LILRA4: variants seen among roughly 807,000 people sequenced by gnomAD.
LILRA4 encodes the protein leukocyte immunoglobulin like receptor A4.
Under a neutral mutation model 49.5 loss-of-function variants are expected in LILRA4, and 51 were observed. The observed-to-expected ratio is 1.03, with a 90% CI of 0.82 to 1.30. LILRA4 has a LOEUF of 1.30. LILRA4 is among the 50% of genes most tolerant of loss of function. LILRA4 has a pLI of 0.00. For synonymous variants in LILRA4, 272 were observed against 265.6 expected, an observed-to-expected ratio of 1.02 and a Z score of -0.23; for missense variants, 624 against 625.6, an observed-to-expected ratio of 1.00 and a Z score of 0.03.
chr19:54,334,810 C>CAAAAAAAAAAA (rs56226854), intron 6 of LILRA4: 1 of 138,244 alleles, frequency 7.2e-6, no homozygotes, highest in Non-Finnish European at 1.6e-5. Context: ...ACTAAAAATA[C>CAAAAAAAAAAA]AAAAAAAAAA....
In LILRA4 at chr19:54,338,562, C is replaced by T; in HGVS notation, c.189G>A (p.Glu63=). 6.2e-7 allele frequency: 1 copy of T among 1,614,186 alleles called. No homozygotes were observed. Among genetic ancestry groups the T allele is most frequent in the Non-Finnish European group, 8.5e-7 (1 of 1,180,014 alleles). Residue 63 remains glutamate (E), a synonymous_variant, in exon 3 of 8, where the codon GAG becomes GAA. Transcript: ENST00000291759. ...LEAQGYRLDK[E]GNSMSRHILK... is the part of the protein sequence containing the mutation. ...ATATGTGCCTCGACATTGAGTTTCC[C>T]TCTTTATCCAGACGGTACCCCTGGG... is the stretch of plus-strand genomic sequence containing the variant.
chr19:54,336,836 C>T lies in LILRA4; in HGVS notation c.1255+5G>A, dbSNP rs2081328055. 17 of 1,614,034 alleles carry T rather than the reference C, an allele frequency of 1.1e-5. No individual in the cohort carries two copies. The highest frequency in any genetic ancestry group is 1.4e-5 in the Non-Finnish European group (17 of 1,180,004). On this transcript the variant is annotated splice_donor_5th_base_variant and intron_variant, in intron 6 of 7. Transcript: ENST00000291759. ...GCTCAGAGTGGACAGGGTCAGCGCC[C>T]TCACCTGAGACCACGAGCTCCAGGG...
At chr19:54,337,751 C>T (rs2081346566) in intron 4 of LILRA4, 55 bp from the exon 5 acceptor site, 1 of 1,548,516 alleles carries the variant, frequency 6.5e-7, no homozygotes, top group Non-Finnish European at 8.7e-7. Flanking sequence ...TGCGCCCCTT[C>T]CTTCTGTAGC....
At position 54,333,652 on chromosome 19, in the gene LILRA4, G is replaced by A. The variant is rs752323741; in HGVS notation, c.1420C>T (p.Pro474Ser). ...LFEAQHSQRS[P>S]PRCSQEANSR... is the part of the protein sequence containing the mutation. ...TTTGCCTCCTGGCTGCACCTTGGGG[G>A]GCTTCTCTGGCTGTGCTGAGCCTCA... The change falls in exon 8 of 8, where the codon CCC (proline) becomes TCC (serine). Residue 474 changes from proline to serine, a missense_variant. Transcript: ENST00000291759. 6.2e-7 allele frequency: 1 copy of A among 1,614,104 alleles called. No individual in the cohort carries two copies. Among genetic ancestry groups the A allele is most frequent in the Non-Finnish European group, 8.5e-7 (1 of 1,180,014 alleles).
chr19:54,336,420 C>T (rs765359054), intron 6 of LILRA4: 11 of 225,294 alleles, frequency 4.9e-5, no homozygotes, highest in Non-Finnish European at 7.8e-5. Flanking sequence ...CCGTCTTCCA[C>T]CCTCAGTCTA....
Position 54,337,941 on chromosome 19 carries a change from A to G in LILRA4, c.650T>C (p.Val217Ala), listed in dbSNP as rs1489374016. 1.6e-5 allele frequency: 25 copies of G among 1,608,864 alleles called. No homozygotes were observed. The African/African-American group carries it at 2.4e-4, about 15-fold the overall frequency. ...SEPSDPLQLL[V>A]SGVSRKPSLL... Reference sequence around the variant, plus strand: ...AAAAGCTACGGCTTCCTCACCTGACACCAGTAGCTGCAGGGGGTCACTGGG... The same window carrying G: ...AAAAGCTACGGCTTCCTCACCTGACGCCAGTAGCTGCAGGGGGTCACTGGG... The change falls in exon 4 of 8, where the codon GTG becomes GCG. Residue 217 changes from valine (V) to alanine (A), a missense_variant. Val to Ala is a moderately conservative substitution (Grantham distance 64). Transcript: ENST00000291759.
intron 2 of LILRA4, 71 bp from the exon 3 acceptor site, chr19:54,338,751 C>T (rs1019192692): frequency 1.3e-6 from 2 of 1,585,148 alleles, no homozygotes; most frequent in African/African-American, 1.4e-5. Flanking sequence ...GCCCCAGGAC[C>T]CCCCTCATCC....
chr19:54,338,587 G>T lies in LILRA4; in HGVS notation c.164C>A (p.Ala55Asp). 1.2e-6 allele frequency: 2 copies of T among 1,614,040 alleles called. No homozygotes were observed. The highest frequency in any genetic ancestry group is 1.7e-6 in the Non-Finnish European group (2 of 1,179,914). ...CTCTTTATCCAGACGGTACCCCTGGGCCTCCAGGGTGCCCTGACACCAGAT... is the reference window on the plus strand; with the variant it reads ...CTCTTTATCCAGACGGTACCCCTGGTCCTCCAGGGTGCCCTGACACCAGAT... Reference protein sequence around the residue: ...VTIWCQGTLEAQGYRLDKEGN... With the variant: ...VTIWCQGTLEDQGYRLDKEGN... Residue 55 changes from alanine to aspartate, a missense_variant, in exon 3 of 8, where the codon GCC (alanine) becomes GAC (aspartate). By Grantham distance (126) the Ala-to-Asp change is moderately radical. Transcript: ENST00000291759.
rs2122201342 is a variant in LILRA4 at position 54,339,043 on chromosome 19, CCCT to C, written c.34+14_34+16del. ...TCTCCTAGACTAGGGTCTCTCCTCCCCCTCTTAAGATCTCACCAAAGAAGAGCA... is the reference window on the plus strand; with the variant it reads ...TCTCCTAGACTAGGGTCTCTCCTCCCCTTAAGATCTCACCAAAGAAGAGCA... On this transcript the variant is annotated intron_variant, in intron 1 of 7. Transcript: ENST00000291759. The C allele has an allele frequency of 6.2e-7, 1 of 1,614,060 alleles. No homozygotes were observed.
intron 6 of LILRA4, chr19:54,334,338 G>A (rs1397804684): frequency 1.8e-4 from 37 of 207,230 alleles, no homozygotes; most frequent in South Asian, 1.0e-4. Flanking sequence ...ATTTTTCAGT[G>A]GATGAGGACC....
In LILRA4 at chr19:54,337,470, T is replaced by A. The variant is rs12985462; in HGVS notation, c.882A>T (p.Arg294Ser). The change falls in exon 5 of 8, where the codon AGA (arginine) becomes AGT (serine). Residue 294 changes from arginine to serine, a missense_variant. By Grantham distance (110) the Arg-to-Ser change is moderately radical (BLOSUM62 -1). Coordinates refer to ENST00000291759, the MANE Select transcript of LILRA4 (RefSeq NM_012276.5). Reference sequence around the variant, plus strand: ...AGGAGACGTTGTGTGCGCCGTAGCATCTGTACTGGCCCCCGTAGGAGCGGC... The same window carrying A: ...AGGAGACGTTGTGTGCGCCGTAGCAACTGTACTGGCCCCCGTAGGAGCGGC... ...PVSRSYGGQY[R>S]CYGAHNVSSE... 6.2e-7 allele frequency: 1 copy of A among 1,611,926 alleles called. No individual in the cohort carries two copies. Among genetic ancestry groups the A allele is most frequent in the Admixed American group, 1.7e-5 (1 of 59,974 alleles).
chr19:54,333,517 C>T lies in LILRA4; in HGVS notation c.*55G>A. 6.4e-7 allele frequency: 1 copy of T among 1,555,234 alleles called. No homozygotes were observed. Among genetic ancestry groups the T allele is most frequent in the Non-Finnish European group, 8.8e-7 (1 of 1,130,854 alleles). On this transcript the variant is annotated 3_prime_UTR_variant, in exon 8 of 8. Transcript: ENST00000291759. ...ACCCATGCTTCTTCCCCTTGATATT[C>T]TCAGCAGACACTTCCCCAACTGCTG...
chr19:54,333,762 G>A lies in LILRA4; in HGVS notation c.1310C>T (p.Pro437Leu). The change falls in exon 8 of 8, where the codon CCA becomes CTA. Residue 437 changes from proline (P) to leucine (L), a missense_variant. Physicochemically the swap from Pro to Leu is moderately conservative, Grantham distance 98. Coordinates refer to ENST00000291759, the MANE Select transcript of LILRA4 (RefSeq NM_012276.5). ...AQKKSDSKTAPHLQDYTVENL... is the reference protein window; with the variant it reads ...AQKKSDSKTALHLQDYTVENL... ...CTCCACTGTGTAATCCTGGAGGTGTGGGGCTAGGGATGGTGGACAAAGAGG... is the reference window on the plus strand; with the variant it reads ...CTCCACTGTGTAATCCTGGAGGTGTAGGGCTAGGGATGGTGGACAAAGAGG... The A allele has an allele frequency of 1.2e-6, 2 of 1,614,058 alleles. No individual in the cohort carries two copies. Among genetic ancestry groups the A allele is most frequent in the Non-Finnish European group, 1.7e-6 (2 of 1,180,000 alleles).
Position 54,339,156 on chromosome 19 carries a change from G to T in LILRA4, c.-63C>A. ...TGTGGCCACGGTGCCCGTAGACACAGACAGACACATGGTGTGCGGGCACAC... is the reference window on the plus strand; with the variant it reads ...TGTGGCCACGGTGCCCGTAGACACATACAGACACATGGTGTGCGGGCACAC... On this transcript the variant is annotated 5_prime_UTR_variant, in exon 1 of 8. In the 5' UTR this introduces an upstream ATG that the reference lacks. Transcript: ENST00000291759. The T allele has an allele frequency of 6.3e-7, 1 of 1,584,944 alleles. No homozygotes were observed.
At chr19:54,336,782 T>A (rs2081327305) in intron 6 of LILRA4, 59 bp downstream of exon 6, 13 of 1,572,666 alleles carry the variant, frequency 8.3e-6, no homozygotes, top group Non-Finnish European at 1.1e-5. Context: ...TTGGAAGCTC[T>A]CCTTTTTCAT....
Position 54,338,167 on chromosome 19 carries a change from G to A in LILRA4, c.424C>T (p.Arg142Trp), listed in dbSNP as rs754837828. Residue 142 changes from arginine (R) to tryptophan (W), a missense_variant, in exon 4 of 8, where the codon CGG becomes TGG. Coordinates refer to ENST00000291759, the MANE Select transcript of LILRA4 (RefSeq NM_012276.5). Reference protein sequence around the residue: ...VVTSGVNVTLRCASRLGLGRF... With the variant: ...VVTSGVNVTLWCASRLGLGRF... ...CCCAGTCCCAGCCGTGAGGCACACC[G>A]GAGGGTCACGTTCACTCCTGAGGTC... 4.6e-5 allele frequency: 74 copies of A among 1,613,956 alleles called. No individual in the cohort carries two copies. The highest frequency in any genetic ancestry group is 5.5e-5 in the Non-Finnish European group (65 of 1,179,958).
At chr19:54,338,708 A>T in intron 2 of LILRA4, 28 bp from the exon 3 acceptor site, 1 of 1,597,300 alleles carries the variant, frequency 6.3e-7, no homozygotes, top group Non-Finnish European at 8.5e-7. Flanking sequence ...GTTAGGTCCC[A>T]AGATGTCCTC....
At position 54,333,595 on chromosome 19, in the gene LILRA4, C is replaced by T. The variant is rs1401492639; in HGVS notation, c.1477G>A (p.Val493Met). ...SRKDNAPFRV[V>M]EPWEQI ...CATCAGATCTGTTCCCAAGGCTCCA[C>T]CACTCTGAAGGGTGCATTGTCCTTT... Residue 493 changes from valine to methionine, a missense_variant, in exon 8 of 8, where the codon GTG becomes ATG. Physicochemically the swap from Val to Met is conservative, Grantham distance 21. Transcript: ENST00000291759. The T allele has an allele frequency of 6.2e-7, 1 of 1,614,140 alleles. No individual in the cohort carries two copies. The highest frequency in any genetic ancestry group is 1.1e-5 in the South Asian group (1 of 91,082).
intron 6 of LILRA4, 37 bp downstream of exon 6, chr19:54,336,804 C>T (rs1438641772): frequency 1.2e-6 from 2 of 1,610,418 alleles, no homozygotes; most frequent in South Asian, 2.2e-5. Flanking sequence ...TCCAAGAACC[C>T]CTTTGAGCTC....
Sources: allele counts gnomAD v4.1 joint callset, GRCh38; gene constraint gnomAD v4.1.1; transcripts MANE v1.5; gene names NCBI Gene and HGNC (gene_info 2026-07-23, HGNC 2026-07-21).